NRXN3: variants seen among roughly 807,000 people sequenced by gnomAD.
NRXN3 encodes neurexin III.
In NRXN3, 32 loss-of-function variants were observed where a neutral mutation model predicts 137.6. The observed-to-expected ratio is 0.23, with a 90% CI of 0.18 to 0.31. The LOEUF (loss-of-function observed/expected upper bound fraction) is 0.31, where lower values mean the gene tolerates loss of function less well. Among genes scored for constraint, NRXN3 ranks in the 10% least tolerant of loss-of-function variants. NRXN3 has a pLI of 1.00. For synonymous variants in NRXN3, 798 were observed against 784.5 expected, an observed-to-expected ratio of 1.02 and a Z score of -0.29; for missense variants, 1,574 against 2,062.5, an observed-to-expected ratio of 0.76 and a Z score of 4.59.
At chr14:78,609,440 A>C (rs1026557380) in intron 4 of NRXN3, among the ~76,000 whole-genome samples, 2 of 152,190 alleles carry the variant, frequency 1.3e-5, no homozygotes, top group African/African-American at 4.8e-5. Flanking sequence ...ACTACTTTAA[A>C]GTTTGGGACT....
intron 4 of NRXN3, among the ~76,000 whole-genome samples, chr14:78,503,260 A>T (rs4903769): frequency 0.42 from 63,438 of 151,998 alleles, 13,429 homozygotes; most frequent in East Asian, 0.51. Flanking sequence ...GTATAAATTA[A>T]AAAATAAAGC....
chr14:78,926,968 AATATATAATATATTTTTATATAT>A (rs2099306062), intron 10 of NRXN3, among the ~76,000 whole-genome samples: 2 of 54,364 alleles, frequency 3.7e-5, no homozygotes, highest in Non-Finnish European at 5.6e-5. Context: ...ATATATATAT[AATATATAATATATTTTTATATAT>A]ATATATAATA....
At chr14:78,670,064 T>C (rs1008300053) in intron 6 of NRXN3, among the ~76,000 whole-genome samples, 2 of 150,422 alleles carry the variant, frequency 1.3e-5, no homozygotes, top group African/African-American at 4.9e-5. Flanking sequence ...CCTGTGTCCA[T>C]GTGTTCTCAT....
At chr14:78,876,056 G>C (rs187111200) in intron 10 of NRXN3, among the ~76,000 whole-genome samples, 21 of 152,226 alleles carry the variant, frequency 1.4e-4, no homozygotes, top group Admixed American at 6.5e-4. Context: ...TTCATTTTAA[G>C]CTTATTTGTA....
chr14:79,677,529 T>A lies in NRXN3; in HGVS notation c.3616+13580T>A, dbSNP rs567952630. On this transcript the variant is annotated intron_variant, in intron 17 of 20. Coordinates refer to ENST00000335750, the MANE Select transcript of NRXN3 (RefSeq NM_001330195.2). Reference sequence around the variant, plus strand: ...TTTCTGTGGTATGGGTGGCACTGGATCTCTAGAATCGGTAAAAATAAAGGC... The same window carrying A: ...TTTCTGTGGTATGGGTGGCACTGGAACTCTAGAATCGGTAAAAATAAAGGC... Among the ~76,000 whole-genome samples the A allele has an allele frequency of 7.9e-5, 12 of 152,184 alleles. No homozygotes were observed. The East Asian group carries it at 2.3e-3, about 29-fold the overall frequency.
At chr14:78,370,231 G>A (rs2086610471) in intron 4 of NRXN3, among the ~76,000 whole-genome samples, 1 of 151,582 alleles carries the variant, frequency 6.6e-6, no homozygotes, top group East Asian at 1.9e-4. Context: ...CCCAAACCCA[G>A]CTTTCTGGCC....
At chr14:79,631,598 C>G (rs561564371) in intron 16 of NRXN3, among the ~76,000 whole-genome samples, 1 of 152,250 alleles carries the variant, frequency 6.6e-6, no homozygotes, top group Non-Finnish European at 1.5e-5. Context: ...CCGGAGTGCC[C>G]GTGCTAGGTT....
intron 16 of NRXN3, among the ~76,000 whole-genome samples, chr14:79,556,982 C>T (rs1405530480): frequency 6.6e-6 from 1 of 151,928 alleles, no homozygotes; most frequent in Admixed American, 6.6e-5. Context: ...GTTCATGGAA[C>T]TCATTATATA....
At chr14:79,136,870 C>T (rs193166004) in intron 15 of NRXN3, among the ~76,000 whole-genome samples, 41 of 152,264 alleles carry the variant, frequency 2.7e-4, no homozygotes, top group Middle Eastern at 3.4e-3. Context: ...GCTTAGTCAT[C>T]CATACTTTTC....
intron 1 of NRXN3, among the ~76,000 whole-genome samples, chr14:78,190,840 A>C (rs2060663466): frequency 2.0e-5 from 3 of 151,658 alleles, no homozygotes; most frequent in South Asian, 4.2e-4. Context: ...CACCTGGCTA[A>C]TTTTTGTATT....
intron 19 of NRXN3, among the ~76,000 whole-genome samples, chr14:79,751,400 G>A (rs1343178675): frequency 6.6e-6 from 1 of 150,560 alleles, no homozygotes; most frequent in East Asian, 2.0e-4. Flanking sequence ...AAGAATGCTT[G>A]TGATTTTTGT....
At chr14:79,051,985 G>T (rs1013517871) in intron 15 of NRXN3, among the ~76,000 whole-genome samples, 19 of 152,094 alleles carry the variant, frequency 1.2e-4, no homozygotes, top group African/African-American at 4.6e-4. Flanking sequence ...ACAAAAAGAG[G>T]TTTCTTTTTC....
In NRXN3 at chr14:78,289,021, G is replaced by A. The variant is rs967996903; in HGVS notation, c.728-8810G>A. 3.9e-5 allele frequency among the ~76,000 whole-genome samples: 6 copies of A among 152,294 alleles called. No individual in the cohort carries two copies. The South Asian group carries it at 1.0e-3, about 26-fold the overall frequency. ...TAGGTGGTGAGGACTGAACATGGTA[G>A]TATCATGGAAGGGCAAAACCCAGAG... On this transcript the variant is annotated intron_variant, in intron 3 of 20. Transcript: ENST00000335750.
At chr14:78,335,038 G>T (rs2081296540) in intron 4 of NRXN3, among the ~76,000 whole-genome samples, 1 of 152,122 alleles carries the variant, frequency 6.6e-6, no homozygotes, top group Non-Finnish European at 1.5e-5. Context: ...AATGAGGGGA[G>T]GCGTCATCCC....
At chr14:78,659,010 T>C (rs903649707) in intron 6 of NRXN3, among the ~76,000 whole-genome samples, 1 of 152,184 alleles carries the variant, frequency 6.6e-6, no homozygotes, top group South Asian at 2.1e-4. Context: ...CCTCTGCAAA[T>C]TCATATGTTG....
chr14:79,497,411 C>G (rs2096777817), intron 16 of NRXN3, among the ~76,000 whole-genome samples: 1 of 152,132 alleles, frequency 6.6e-6, no homozygotes, highest in African/African-American at 2.4e-5. Context: ...TCCACTCAAT[C>G]CTTTCCCACC....
At chr14:78,978,254 C>A (rs893908959) in intron 14 of NRXN3, among the ~76,000 whole-genome samples, 6 of 152,098 alleles carry the variant, frequency 3.9e-5, no homozygotes, top group African/African-American at 1.4e-4. Context: ...TAGGTCCTGA[C>A]TTCAAGACAA....
rs542937468 is a variant in NRXN3, at chr14:79,007,889, C to A, written c.3262+19748C>A. On this transcript the variant is annotated intron_variant, in intron 15 of 20. Transcript: ENST00000335750. ...GAAACTTATAAATCATGGTTATTTA[C>A]CACCCCTGAGAAGGTAGGTACAAGG... Among the ~76,000 whole-genome samples, 7 of 150,248 alleles carry A rather than the reference C, an allele frequency of 4.7e-5. No homozygotes were observed. The Middle Eastern group carries it at 0.01, about 224-fold the overall frequency.
At chr14:79,845,232 C>G (rs1404738218) in intron 20 of NRXN3, among the ~76,000 whole-genome samples, 11 of 152,190 alleles carry the variant, frequency 7.2e-5, no homozygotes. Flanking sequence ...TTTTCCATAT[C>G]AGCAATAAGG....
Sources: allele counts gnomAD v4.1 joint callset (sites outside exome capture counted in the v4.1 genomes callset), GRCh38; gene constraint gnomAD v4.1.1; transcripts MANE v1.5; gene names NCBI Gene and HGNC (gene_info 2026-07-23, HGNC 2026-07-21).